The following LGI2 variants were observed in gnomAD, a reference collection of about 807,000 sequenced individuals.
The protein encoded by LGI2 is leucine rich repeat LGI family member 2, also known as leucine-rich repeat LGI family member 2.
In LGI2, 30 loss-of-function variants were observed where a neutral mutation model predicts 52.0. The observed-to-expected ratio is 0.58, with a 90% CI of 0.43 to 0.78. LGI2 has a LOEUF of 0.78. LGI2 is among the 30% of genes least tolerant of loss of function. The probability of loss-of-function intolerance (pLI) is 0.00; values close to 1 mark genes in which losing one functional copy is unlikely to be tolerated. For synonymous variants in LGI2, 270 were observed against 271.8 expected, an observed-to-expected ratio of 0.99 and a Z score of 0.06; for missense variants, 573 against 692.5, an observed-to-expected ratio of 0.83 and a Z score of 1.94.
downstream of LGI2, among the ~76,000 whole-genome samples, chr4:24,998,284 C>T (rs1017574727): frequency 6.6e-6 from 1 of 152,276 alleles, no homozygotes; most frequent in African/African-American, 2.4e-5. Flanking sequence ...GAACTCTGTT[C>T]TTGAAGATTT....
chr4:25,002,079 C>A lies in LGI2; in HGVS notation c.*1372G>T, dbSNP rs1383162835. On this transcript the variant is annotated 3_prime_UTR_variant, in exon 8 of 8. Transcript: ENST00000382114. The stretch of plus-strand genomic sequence containing the variant: ...CCCAGGAGCTTGCCTATTGCCCATA[C>A]CAGAGAGGCCCATTTGGAAATACAC... The A allele has an allele frequency of 1.3e-5, 2 of 152,226 alleles. No individual in the cohort carries two copies. Among genetic ancestry groups the A allele is most frequent in the Non-Finnish European group, 1.5e-5 (1 of 68,084 alleles). 9.4% of individuals were successfully genotyped at this position (152,226 alleles called of 1,614,324 possible).
intron 3 of LGI2, among the ~76,000 whole-genome samples, chr4:25,025,531 C>G (rs142546497): frequency 6.6e-6 from 1 of 152,272 alleles, no homozygotes; most frequent in East Asian, 1.9e-4. Context: ...GTACTAAAAC[C>G]CCACAGGGTT....
At chr4:25,010,589 G>T (rs1174873931) in intron 7 of LGI2, among the ~76,000 whole-genome samples, 4 of 152,218 alleles carry the variant, frequency 2.6e-5, no homozygotes, top group Admixed American at 2.0e-4. Context: ...GGCAGAGTTG[G>T]GAGTATAATC....
intron 7 of LGI2, among the ~76,000 whole-genome samples, chr4:25,011,406 C>T (rs1239250343): frequency 1.3e-5 from 2 of 152,180 alleles, no homozygotes; most frequent in East Asian, 1.9e-4. Context: ...TCTGAAATGG[C>T]ATCCTCGGAG....
At chr4:25,025,476 G>A (rs1726115764) in intron 3 of LGI2, among the ~76,000 whole-genome samples, 1 of 152,216 alleles carries the variant, frequency 6.6e-6, no homozygotes, top group Non-Finnish European at 1.5e-5. Context: ...CTACTAGGAA[G>A]TAGGAAGTAT....
chr4:25,022,675 A>G (rs574859275), intron 4 of LGI2, among the ~76,000 whole-genome samples: 1 of 152,096 alleles, frequency 6.6e-6, no homozygotes, highest in Non-Finnish European at 1.5e-5. Context: ...AGTTATGTAC[A>G]CTCATGTATA....
Position 25,000,862 on chromosome 4 carries a change from G to A in LGI2, c.*2589C>T, listed in dbSNP as rs1560285417. ...TGGAAGAATGCTTCTTGCAGAAGTT[G>A]TTTAAAACTTCAGGGATTCTTGGGA... On this transcript the variant is annotated 3_prime_UTR_variant, in exon 8 of 8. Transcript: ENST00000382114. The A allele has an allele frequency of 6.6e-6, 1 of 152,178 alleles. No homozygotes were observed. Among genetic ancestry groups the A allele is most frequent in the East Asian group, 1.9e-4 (1 of 5,186 alleles). 9.4% of individuals were successfully genotyped at this position (152,178 alleles called of 1,614,324 possible). A position where few individuals can be genotyped will look rare whatever the true frequency, so the allele number is the denominator to read the frequency against.
chr4:25,030,889 C>G lies in LGI2; in HGVS notation c.-196G>C, dbSNP rs1390620025. The G allele has an allele frequency of 5.7e-6, 1 of 175,862 alleles. No individual in the cohort carries two copies. Among genetic ancestry groups the G allele is most frequent in the Non-Finnish European group, 1.1e-5 (1 of 89,066 alleles). The allele number at this position is 175,862 out of a possible 1,614,324, so 10.9% of individuals were successfully genotyped here. On this transcript the variant is annotated 5_prime_UTR_variant, in exon 1 of 8. Transcript: ENST00000382114. Reference sequence around the variant, plus strand: ...GCCGCCACCCCCACTCGGCGCCCCCCCACCCGAGCCCGGGCTGCTGGGCGG... The same window carrying G: ...GCCGCCACCCCCACTCGGCGCCCCCGCACCCGAGCCCGGGCTGCTGGGCGG...
chr4:25,026,938 A>G lies in LGI2; in HGVS notation c.271T>C (p.Leu91=), dbSNP rs757244992. Residue 91 remains leucine, a splice_region_variant and synonymous_variant, in exon 3 of 8, where the codon TTG becomes CTG. Transcript: ENST00000382114. ...FSHLPSLQLL[L]LNSNSFTIIR... ...ATCGTGAATGAGTTAGAATTCAGCA[A>G]TCTGAAAGTAAGAGACAGATTCCAA... 8.1e-6 allele frequency: 13 copies of G among 1,611,518 alleles called. No individual in the cohort carries two copies. Among genetic ancestry groups the G allele is most frequent in the Admixed American group, 6.7e-5 (4 of 60,008 alleles).
In LGI2 at chr4:25,003,222, C is replaced by A; in HGVS notation, c.*229G>T. On this transcript the variant is annotated 3_prime_UTR_variant, in exon 8 of 8. Transcript: ENST00000382114. Reference sequence around the variant, plus strand: ...TGCTGTACTCTTTTCTCAGAAATTACAGGCTTTAAGATTTTTTTTTAAATG... The same window carrying A: ...TGCTGTACTCTTTTCTCAGAAATTAAAGGCTTTAAGATTTTTTTTTAAATG... 2 of 436,044 alleles carry A rather than the reference C, an allele frequency of 4.6e-6. No homozygotes were observed. Among genetic ancestry groups the A allele is most frequent in the Non-Finnish European group, 8.0e-6 (2 of 249,928 alleles). 27.0% of individuals were successfully genotyped at this position (436,044 alleles called of 1,614,324 possible).
At chr4:25,027,397 A>T (rs1439497657) in intron 2 of LGI2, among the ~76,000 whole-genome samples, 4 of 17,536 alleles carry the variant, frequency 2.3e-4, no homozygotes, top group African/African-American at 6.6e-4. Flanking sequence ...CAATAGTTAA[A>T]AAAAAAAAAA....
At chr4:25,028,630 C>T in intron 1 of LGI2, 52 bp from the exon 2 acceptor site, 1 of 1,499,234 alleles carries the variant, frequency 6.7e-7, no homozygotes. Context: ...TAGGAAGTGC[C>T]ATGCAGGGTG....
chr4:25,000,333 A>G lies in LGI2; in HGVS notation c.*3118T>C, dbSNP rs866574945. 1 of 152,874 alleles carries G rather than the reference A, an allele frequency of 6.5e-6. No individual in the cohort carries two copies. Among genetic ancestry groups the G allele is most frequent in the Middle Eastern group, 3.2e-3 (1 of 316 alleles). 9.5% of individuals were successfully genotyped at this position (152,874 alleles called of 1,614,324 possible). A position where few individuals can be genotyped will look rare whatever the true frequency, so the allele number is the denominator to read the frequency against. ...CTTTGCCAGTCCCTATTGGATAACC[A>G]TGGCAGGCAATTCATATAGTTTTCA... is the stretch of plus-strand genomic sequence containing the variant. On this transcript the variant is annotated 3_prime_UTR_variant, in exon 8 of 8. Coordinates refer to ENST00000382114, the MANE Select transcript of LGI2 (RefSeq NM_018176.4).
At chr4:25,022,703 G>A (rs938095095) in intron 4 of LGI2, among the ~76,000 whole-genome samples, 1 of 152,104 alleles carries the variant, frequency 6.6e-6, no homozygotes, top group Non-Finnish European at 1.5e-5. Context: ...ATGCACCCGA[G>A]GACACTTTGT....
At chr4:24,995,718 C>T (rs1725053418), downstream of LGI2, among the ~76,000 whole-genome samples, 1 of 152,206 alleles carries the variant, frequency 6.6e-6, no homozygotes, top group African/African-American at 2.4e-5. Context: ...GGAGGGAAAC[C>T]AGGCTCCACC....
rs375974981 is a variant in LGI2, at chr4:25,017,325, T to A, written c.655+664A>T. Among the ~76,000 whole-genome samples the A allele has an allele frequency of 1.4e-4, 21 of 151,932 alleles. No individual in the cohort carries two copies. In the East Asian group the frequency reaches 1.5e-3, roughly 11 times the overall value. On this transcript the variant is annotated intron_variant, in intron 6 of 7. Coordinates refer to ENST00000382114, the MANE Select transcript of LGI2 (RefSeq NM_018176.4). ...TTGGGAGGCCAAGGTGGGCGGATGA[T>A]GAGATCAGGAGATCGAGACCATCCT...
intron 7 of LGI2, among the ~76,000 whole-genome samples, chr4:25,009,799 C>T (rs1038564760): frequency 5.3e-5 from 8 of 151,964 alleles, no homozygotes; most frequent in Non-Finnish European, 1.0e-4. Flanking sequence ...CCACGCCCAG[C>T]TAATTTTTGT....
chr4:25,025,817 A>G (rs1361808393), intron 3 of LGI2, among the ~76,000 whole-genome samples: 1 of 152,218 alleles, frequency 6.6e-6, no homozygotes, highest in Non-Finnish European at 1.5e-5. Context: ...AATAGACTTC[A>G]GCATAAACTG....
Position 25,029,814 on chromosome 4 carries a change from T to C in LGI2, c.197+683A>G, listed in dbSNP as rs572563709. ...GGCTGACTTCAAAGCACTTGGCCAC[T>C]GGGCTAGGCGCCCAACATGCCCCAA... On this transcript the variant is annotated intron_variant, in intron 1 of 7. Transcript: ENST00000382114. Among the ~76,000 whole-genome samples, 320 of 152,386 alleles carry C rather than the reference T, an allele frequency of 2.1e-3. 1 individual carries two copies. Among genetic ancestry groups the C allele is most frequent in the Non-Finnish European group, 2.9e-3 (196 of 68,036 alleles).
Sources: gnomAD v4.1 joint callset for allele counts (sites outside exome capture counted in the v4.1 genomes callset) on GRCh38, gnomAD v4.1.1 for gene constraint, MANE v1.5 for transcripts, NCBI Gene and HGNC (gene_info 2026-07-23, HGNC 2026-07-21) for gene names.